The following KIF16B variants were observed in gnomAD, a reference collection of about 807,000 sequenced individuals.
KIF16B encodes the protein kinesin family member 16B.
Under a neutral mutation model 156.3 loss-of-function variants are expected in KIF16B, and 98 were observed. That is an observed-to-expected ratio of 0.63 (90% CI 0.53 to 0.74). KIF16B has a LOEUF of 0.74. Ranked by LOEUF, KIF16B falls within the 30% of genes least tolerant of loss-of-function variation. The probability of loss-of-function intolerance (pLI) is 0.00; values close to 1 mark genes in which losing one functional copy is unlikely to be tolerated. For synonymous variants in KIF16B, 564 were observed against 583.7 expected (o/e 0.97, Z 0.49); for missense variants, 1,421 against 1,606.5 (o/e 0.88, Z 1.97).
chr20:16,323,592 A>G (rs1282931070), intron 24 of KIF16B, among the ~76,000 whole-genome samples: 1 of 152,024 alleles, frequency 6.6e-6, no homozygotes, highest in Admixed American at 6.6e-5. Context: ...ACCTAGCTGG[A>G]TTATGAAGGG....
At position 16,573,324 on chromosome 20, in the gene KIF16B, G is replaced by A. The variant is rs375611527; in HGVS notation, c.-49C>T. On this transcript the variant is annotated 5_prime_UTR_variant, in exon 1 of 26. Coordinates refer to ENST00000354981, the MANE Select transcript of KIF16B (RefSeq NM_024704.5). ...CGGGGTCCCACTAGCCCAGAACTCC[G>A]CGGTCGCCGGCGACGCTGGCTACTC... 5 of 1,595,618 alleles carry A rather than the reference G, an allele frequency of 3.1e-6. No individual in the cohort carries two copies. Among genetic ancestry groups the A allele is most frequent in the Admixed American group, 3.4e-5 (2 of 59,020 alleles).
At chr20:16,337,883 C>T (rs1042800504) in intron 23 of KIF16B, among the ~76,000 whole-genome samples, 2 of 152,196 alleles carry the variant, frequency 1.3e-5, no homozygotes, top group African/African-American at 4.8e-5. Context: ...CCTGTTTGCA[C>T]AGAAAAGCCC....
chr20:16,514,582 GAAAA>G lies in KIF16B; in HGVS notation c.348+962_348+965del, dbSNP rs540602451. On this transcript the variant is annotated intron_variant, in intron 4 of 25. Transcript: ENST00000354981. ...GAACAGAGCTCTCACTAAGAAATAA[GAAAA>G]AAAAAAAAAAAAAAAAAAAACAGGC... Among the ~76,000 whole-genome samples, 98 of 76,908 alleles carry G rather than the reference GAAAA, an allele frequency of 1.3e-3. 1 individual carries two copies. The highest frequency in any genetic ancestry group is 0.014 in the Middle Eastern group (2 of 148). The allele number at this position is 76,908 out of a possible 152,430, so 50.5% of individuals were successfully genotyped here.
At chr20:16,458,668 G>A (rs375824322) in intron 12 of KIF16B, among the ~76,000 whole-genome samples, 23 of 152,108 alleles carry the variant, frequency 1.5e-4, no homozygotes, top group African/African-American at 5.3e-4. Context: ...AAAAGCAAAG[G>A]GAAGAAAGGA....
chr20:16,272,344 C>G lies in KIF16B; in HGVS notation c.*909G>C, dbSNP rs558232636. On this transcript the variant is annotated 3_prime_UTR_variant, in exon 26 of 26. Transcript: ENST00000354981. ...AGCAGTTTTACTGTACACAGAAGTGCAATGCTACATTAAGTCCTGAGTAAT... is the reference window on the plus strand; with the variant it reads ...AGCAGTTTTACTGTACACAGAAGTGGAATGCTACATTAAGTCCTGAGTAAT... The G allele has an allele frequency of 1.3e-5, 2 of 152,668 alleles. No individual in the cohort carries two copies. Among genetic ancestry groups the G allele is most frequent in the African/African-American group, 4.8e-5 (2 of 41,552 alleles). The allele number at this position is 152,668 out of a possible 1,614,324, so 9.5% of individuals were successfully genotyped here.
At chr20:16,380,968 G>C (rs907671361) in intron 18 of KIF16B, among the ~76,000 whole-genome samples, 1 of 152,140 alleles carries the variant, frequency 6.6e-6, no homozygotes, top group Non-Finnish European at 1.5e-5. Flanking sequence ...AACTAAGCCA[G>C]TTTATTTGTG....
chr20:16,472,435 G>A (rs780777566), intron 12 of KIF16B, among the ~76,000 whole-genome samples: 1 of 151,440 alleles, frequency 6.6e-6, no homozygotes, highest in Non-Finnish European at 1.5e-5. Context: ...GCCAGGCTTC[G>A]ACTCCCAAAC....
At chr20:16,481,618 C>T (rs1323720802) in intron 12 of KIF16B, among the ~76,000 whole-genome samples, 1 of 152,144 alleles carries the variant, frequency 6.6e-6, no homozygotes, top group Non-Finnish European at 1.5e-5. Flanking sequence ...GCTGGGAATG[C>T]CAGCACACTT....
chr20:16,507,525 C>T lies in KIF16B; in HGVS notation c.699+433G>A, dbSNP rs533526224. On this transcript the variant is annotated intron_variant, in intron 7 of 25. Coordinates refer to ENST00000354981, the MANE Select transcript of KIF16B (RefSeq NM_024704.5). ...ATTAGTACTTATAAATATTCGCTGC[C>T]CTTTAATATCATTCTAATAATCATC... is the stretch of plus-strand genomic sequence containing the variant. 2.0e-5 allele frequency among the ~76,000 whole-genome samples: 3 copies of T among 152,206 alleles called. No individual in the cohort carries two copies. The South Asian group carries it at 6.2e-4, about 32-fold the overall frequency.
At chr20:16,365,178 T>C (rs543241408) in intron 22 of KIF16B, among the ~76,000 whole-genome samples, 11 of 152,098 alleles carry the variant, frequency 7.2e-5, no homozygotes, top group East Asian at 5.8e-4. Context: ...TATGAGAAAA[T>C]ACTGGATGGA....
chr20:16,284,696 G>A (rs1248802263), intron 25 of KIF16B, among the ~76,000 whole-genome samples: 1 of 152,040 alleles, frequency 6.6e-6, no homozygotes, highest in East Asian at 1.9e-4. Flanking sequence ...AACGGCACCG[G>A]GGGGTCATTC....
intron 12 of KIF16B, among the ~76,000 whole-genome samples, chr20:16,449,092 A>C (rs1163978953): frequency 6.6e-6 from 1 of 152,152 alleles, no homozygotes; most frequent in African/African-American, 2.4e-5. Context: ...AGACACAGAG[A>C]AAGAAAAAAT....
chr20:16,508,980 C>T (rs956382012), intron 6 of KIF16B, among the ~76,000 whole-genome samples: 5 of 152,226 alleles, frequency 3.3e-5, no homozygotes, highest in South Asian at 2.1e-4. Context: ...CCCCACTTCC[C>T]CTTCTGTCAG....
At chr20:16,339,363 A>T (rs189209921) in intron 23 of KIF16B, among the ~76,000 whole-genome samples, 1 of 152,084 alleles carries the variant, frequency 6.6e-6, no homozygotes, top group Non-Finnish European at 1.5e-5. Flanking sequence ...TTTTCTTTTC[A>T]TCTGGGATTT....
intron 12 of KIF16B, among the ~76,000 whole-genome samples, chr20:16,491,066 G>T (rs1448107866): frequency 1.3e-5 from 2 of 152,188 alleles, no homozygotes; most frequent in Non-Finnish European, 2.9e-5. Context: ...CAAAGGAAAA[G>T]AAAATTCATC....
chr20:16,375,685 C>CAAAA (rs34135271), intron 19 of KIF16B, among the ~76,000 whole-genome samples: 1 of 112,940 alleles, frequency 8.9e-6, no homozygotes, highest in Admixed American at 8.9e-5. Context: ...CATCAATGGC[C>CAAAA]AAAAAAAAAA....
At chr20:16,335,895 C>T (rs1339738366) in intron 24 of KIF16B, 31 bp downstream of exon 24, 1 of 1,318,982 alleles carries the variant, frequency 7.6e-7, no homozygotes. Flanking sequence ...AATGAATGCT[C>T]TTAATCGGAG....
At chr20:16,490,333 G>A (rs992111735) in intron 12 of KIF16B, among the ~76,000 whole-genome samples, 1 of 152,072 alleles carries the variant, frequency 6.6e-6, no homozygotes, top group African/African-American at 2.4e-5. Flanking sequence ...CTGAGATCAG[G>A]AGTTCGAGAA....
At chr20:16,414,251 T>C (rs933201609) in intron 15 of KIF16B, among the ~76,000 whole-genome samples, 1 of 151,928 alleles carries the variant, frequency 6.6e-6, no homozygotes, top group Non-Finnish European at 1.5e-5. Flanking sequence ...GTAAGAAAAT[T>C]TCACATAAAT....
Sources: gnomAD v4.1 joint callset for allele counts (sites outside exome capture counted in the v4.1 genomes callset) on GRCh38, gnomAD v4.1.1 for gene constraint, MANE v1.5 for transcripts, NCBI Gene and HGNC (gene_info 2026-07-23, HGNC 2026-07-21) for gene names.